Variants in STARD13 observed in about 807,000 individuals in gnomAD.
STARD13 encodes StAR related lipid transfer domain containing 13, also known as stAR-related lipid transfer protein 13.
A neutral mutation model predicts 106.4 loss-of-function variants in STARD13; 62 were observed. The observed-to-expected ratio is 0.58, with a 90% CI of 0.48 to 0.72. STARD13 has a LOEUF of 0.72. Among genes scored for constraint, STARD13 ranks in the 30% least tolerant of loss-of-function variants. The pLI is 0.00. For synonymous variants in STARD13, 565 were observed against 553.0 expected, an observed-to-expected ratio of 1.02 and a Z score of -0.31; for missense variants, 1,387 against 1,424.0, an observed-to-expected ratio of 0.97 and a Z score of 0.42.
chr13:33,491,497 C>G, the STARD13 span, among the ~76,000 whole-genome samples: 1 of 152,016 alleles, frequency 6.6e-6, no homozygotes, highest in East Asian at 1.9e-4. Context: ...GCAAAAATTC[C>G]TAAGAGTCTA....
intron 1 of STARD13, among the ~76,000 whole-genome samples, chr13:33,269,363 G>A (rs1306375155): frequency 6.6e-6 from 1 of 152,216 alleles, no homozygotes; most frequent in Non-Finnish European, 1.5e-5. Flanking sequence ...AGACTTTCCA[G>A]CTCAGGCTGT....
chr13:33,385,727 G>T, the STARD13 span, among the ~76,000 whole-genome samples: 1 of 151,378 alleles, frequency 6.6e-6, no homozygotes, highest in African/African-American at 2.4e-5. Flanking sequence ...GGGCGTGGTG[G>T]TGCATGCCTG....
At chr13:33,427,485 G>A in the STARD13 span, among the ~76,000 whole-genome samples, 57 of 152,284 alleles carry the variant, frequency 3.7e-4, no homozygotes, top group East Asian at 9.3e-3. Flanking sequence ...CTGGTGGCAC[G>A]CCAGTTTTCA....
the STARD13 span, among the ~76,000 whole-genome samples, chr13:33,662,639 C>G: frequency 6.6e-6 from 1 of 152,152 alleles, no homozygotes; most frequent in African/African-American, 2.4e-5. Context: ...AACAAACCTC[C>G]CCCTCTTTAT....
At chr13:33,660,626 C>T in the STARD13 span, among the ~76,000 whole-genome samples, 1 of 152,146 alleles carries the variant, frequency 6.6e-6, no homozygotes, top group African/African-American at 2.4e-5. Context: ...CTCTGTTGCC[C>T]AGGCTGGAGT....
chr13:33,400,195 T>C, the STARD13 span, among the ~76,000 whole-genome samples: 4 of 152,216 alleles, frequency 2.6e-5, no homozygotes, highest in Non-Finnish European at 5.9e-5. Flanking sequence ...TCAACTATTA[T>C]GGGTTCCGTA....
chr13:33,538,558 G>A, the STARD13 span, among the ~76,000 whole-genome samples: 1 of 151,876 alleles, frequency 6.6e-6, no homozygotes, highest in East Asian at 1.9e-4. Context: ...TCTGCCCTTA[G>A]CCTAGCTTCC....
intron 1 of STARD13, among the ~76,000 whole-genome samples, chr13:33,201,817 A>T (rs931359697): frequency 6.6e-6 from 1 of 152,214 alleles, no homozygotes; most frequent in African/African-American, 2.4e-5. Context: ...TGTTCCAAGT[A>T]TATCCTTGAT....
intron 8 of STARD13, 41 bp from the exon 9 acceptor site, chr13:33,112,972 T>C: frequency 6.6e-7 from 1 of 1,503,854 alleles, no homozygotes; most frequent in Non-Finnish European, 9.1e-7. Flanking sequence ...GGAGCAGACA[T>C]AGAAAGAGCC....
At chr13:33,511,840 A>C in the STARD13 span, among the ~76,000 whole-genome samples, 1 of 152,308 alleles carries the variant, frequency 6.6e-6, no homozygotes, top group South Asian at 2.1e-4. Flanking sequence ...AAGTTTAAAA[A>C]TAACTAATTA....
chr13:33,308,435 TA>T (rs1406957853), intron 1 of STARD13, among the ~76,000 whole-genome samples: 1 of 151,950 alleles, frequency 6.6e-6, no homozygotes, highest in Non-Finnish European at 1.5e-5. Context: ...TTCCATGAGA[TA>T]AACTTGAGCC....
At chr13:33,620,033 G>C in the STARD13 span, among the ~76,000 whole-genome samples, 1 of 151,986 alleles carries the variant, frequency 6.6e-6, no homozygotes, top group African/African-American at 2.4e-5. Context: ...CTCCAGCCTG[G>C]GCGACAAGAG....
At chr13:33,292,428 A>AT (rs897622733) in intron 1 of STARD13, among the ~76,000 whole-genome samples, 13 of 125,404 alleles carry the variant, frequency 1.0e-4, no homozygotes, top group African/African-American at 4.9e-4. Context: ...CCATCTCTAC[A>AT]AAAAAAAAAA....
the STARD13 span, among the ~76,000 whole-genome samples, chr13:33,590,597 G>C: frequency 6.6e-6 from 1 of 150,462 alleles, no homozygotes; most frequent in Non-Finnish European, 1.5e-5. Flanking sequence ...ACTATCGCAA[G>C]GACAAAAAAC....
At chr13:33,655,445 T>G in the STARD13 span, among the ~76,000 whole-genome samples, 1 of 152,230 alleles carries the variant, frequency 6.6e-6, no homozygotes, top group Non-Finnish European at 1.5e-5. Context: ...AAACGGTGAC[T>G]TTGTGGATCA....
At position 33,129,105 on chromosome 13, in the gene STARD13, G is replaced by A. The variant is rs774440233; in HGVS notation, c.1572C>T (p.Ser524=). The change falls in exon 5 of 14, where the codon TCC becomes TCT. Residue 524 remains serine, a synonymous_variant. Coordinates refer to ENST00000336934, the MANE Select transcript of STARD13 (RefSeq NM_178006.4). ...HDTLVGEPGL[S]TFPSPNQITL... is the part of the protein sequence containing the mutation. ...TGATCTGATTAGGAGATGGAAAGGTGGATAAGCCAGGTTCCCCAACCAATG... is the reference window on the plus strand; with the variant it reads ...TGATCTGATTAGGAGATGGAAAGGTAGATAAGCCAGGTTCCCCAACCAATG... 6.2e-6 allele frequency: 10 copies of A among 1,614,134 alleles called. No homozygotes were observed. Among genetic ancestry groups the A allele is most frequent in the Non-Finnish European group, 8.5e-6 (10 of 1,180,016 alleles).
At chr13:33,587,940 A>G in the STARD13 span, among the ~76,000 whole-genome samples, 1 of 152,228 alleles carries the variant, frequency 6.6e-6, no homozygotes, top group Non-Finnish European at 1.5e-5. Flanking sequence ...AATAAAAAGT[A>G]TAATTAAAAT....
intron 5 of STARD13, among the ~76,000 whole-genome samples, chr13:33,128,131 T>C (rs953761126): frequency 5.3e-5 from 8 of 150,682 alleles, no homozygotes; most frequent in Admixed American, 6.6e-5. Flanking sequence ...TAGAGCAATA[T>C]AGACAGAGGA....
chr13:33,153,887 G>A (rs1881617231), intron 3 of STARD13, among the ~76,000 whole-genome samples: 1 of 152,204 alleles, frequency 6.6e-6, no homozygotes, highest in African/African-American at 2.4e-5. Flanking sequence ...GGCCTGCTGG[G>A]GAGTGTTCCG....
Sources: gnomAD v4.1 joint callset for allele counts (sites outside exome capture counted in the v4.1 genomes callset) on GRCh38, gnomAD v4.1.1 for gene constraint, MANE v1.5 for transcripts, NCBI Gene and HGNC (gene_info 2026-07-23, HGNC 2026-07-21) for gene names.